PRH1: variants seen among roughly 807,000 people sequenced by gnomAD.
The protein encoded by PRH1 is salivary acidic proline-rich phosphoprotein 1/2.
PRH1 carries 7 observed loss-of-function variants against 7.9 expected under a neutral mutation model. The observed-to-expected ratio is 0.89, with a 90% CI of 0.50 to 1.67. The LOEUF (loss-of-function observed/expected upper bound fraction) is 1.67. Among genes scored for constraint, PRH1 ranks in the 40% most tolerant of loss-of-function variants. The pLI, the probability that PRH1 is intolerant of heterozygous loss-of-function variation, is 0.00. For missense variants in PRH1, 109 were observed against 223.6 expected (o/e 0.49, Z 3.27); for synonymous variants, 45 against 80.8 (o/e 0.56, Z 2.38).
At chr12:10,988,945 T>A (rs1488536026) in intron 1 of PRH1, among the ~76,000 whole-genome samples, 1 of 152,152 alleles carries the variant, frequency 6.6e-6, no homozygotes, top group Non-Finnish European at 1.5e-5. Flanking sequence ...TAGCTGGGAC[T>A]ACAGGCGCAT....
upstream of PRH1, among the ~76,000 whole-genome samples, chr12:11,050,723 C>T (rs113795634): frequency 0.076 from 8,997 of 118,906 alleles, no homozygotes; most frequent in African/African-American, 0.078. Context: ...CCTCCCACCA[C>T]AGGCAGGGTG....
chr12:11,148,130 T>C (rs1005442435), intron 1 of PRH1, among the ~76,000 whole-genome samples: 5 of 143,966 alleles, frequency 3.5e-5, no homozygotes, highest in Non-Finnish European at 6.2e-5. Flanking sequence ...TTTTTGTACA[T>C]TGATTTTGTA....
At chr12:11,114,563 T>C (rs1438123121) in intron 1 of PRH1, among the ~76,000 whole-genome samples, 1 of 152,022 alleles carries the variant, frequency 6.6e-6, no homozygotes, top group Non-Finnish European at 1.5e-5. Flanking sequence ...AGATGACGGG[T>C]TGATGGGTGC....
At chr12:10,902,685 T>C (rs1389977042) in intron 2 of PRH1, among the ~76,000 whole-genome samples, 1 of 152,112 alleles carries the variant, frequency 6.6e-6, no homozygotes, top group African/African-American at 2.4e-5. Context: ...GCAGAAACCT[T>C]ACAAGCCAGG....
intron 1 of PRH1, chr12:11,022,664 A>G: frequency 1.1e-6 from 1 of 934,420 alleles, no homozygotes; most frequent in Non-Finnish European, 1.6e-6. Context: ...TGATTACTAA[A>G]TGTGCAATAA....
chr12:10,951,734 T>C (rs1223126405), intron 2 of PRH1, among the ~76,000 whole-genome samples: 1 of 152,214 alleles, frequency 6.6e-6, no homozygotes, highest in South Asian at 2.1e-4. Context: ...AAATATTCCT[T>C]GAGCACTTAA....
chr12:11,168,530 G>A (rs999282326), intron 1 of PRH1, among the ~76,000 whole-genome samples: 2 of 151,916 alleles, frequency 1.3e-5, no homozygotes, highest in East Asian at 1.9e-4. Flanking sequence ...AAAAGTTTTC[G>A]TCAAGGCTTT....
At chr12:11,151,839 T>C (rs1362317306) in intron 1 of PRH1, among the ~76,000 whole-genome samples, 1 of 152,132 alleles carries the variant, frequency 6.6e-6, no homozygotes, top group African/African-American at 2.4e-5. Context: ...AAACATATTA[T>C]TTCCCTCTTA....
chr12:11,045,935 A>G (rs1331731547), intron 1 of PRH1, among the ~76,000 whole-genome samples: 2 of 152,258 alleles, frequency 1.3e-5, no homozygotes, highest in East Asian at 1.9e-4. Flanking sequence ...TGGAGTGGCT[A>G]TTTGTTTGGA....
upstream of PRH1, chr12:11,048,680 T>C: frequency 1.9e-6 from 1 of 532,956 alleles, no homozygotes. Flanking sequence ...AGAAAAGATA[T>C]TAGTGTCAGA....
At chr12:11,018,390 A>T (rs199822276) in intron 1 of PRH1, among the ~76,000 whole-genome samples, 685 of 105,668 alleles carry the variant, frequency 6.5e-3, no homozygotes, top group East Asian at 0.048. Flanking sequence ...TGGCACAAGG[A>T]GGGGACTATA....
intron 2 of PRH1, among the ~76,000 whole-genome samples, chr12:10,935,959 G>A (rs1950281390): frequency 6.6e-6 from 1 of 152,050 alleles, no homozygotes; most frequent in Admixed American, 6.6e-5. Context: ...GCATCTTCCA[G>A]GATATTGAGC....
chr12:11,091,759 T>A (rs1180825267), intron 1 of PRH1: 43 of 1,343,772 alleles, frequency 3.2e-5, no homozygotes, highest in Non-Finnish European at 4.4e-5. Context: ...TTCCTTCAAA[T>A]TCTTTTGTCC....
intron 1 of PRH1, among the ~76,000 whole-genome samples, chr12:11,064,137 C>A (rs1943715202): frequency 6.6e-6 from 1 of 151,758 alleles, no homozygotes; most frequent in Admixed American, 6.6e-5. Context: ...TTTCTTCATA[C>A]CTCCTGAGAT....
At chr12:11,021,518 C>T (rs1242542078) in intron 1 of PRH1, 5 of 514,080 alleles carry the variant, frequency 9.7e-6, no homozygotes, top group Non-Finnish European at 1.6e-5. Flanking sequence ...TATGACTTTT[C>T]TAGGTATCTG....
At chr12:10,997,740 G>A in intron 1 of PRH1, 2 of 1,613,904 alleles carry the variant, frequency 1.2e-6, no homozygotes, top group Non-Finnish European at 1.7e-6. Context: ...GCAATAATTT[G>A]ATCAGCTGAG....
chr12:11,055,595 T>C (rs1326177008), intron 1 of PRH1, among the ~76,000 whole-genome samples: 4 of 152,250 alleles, frequency 2.6e-5, no homozygotes, highest in African/African-American at 7.2e-5. Context: ...ATTCAAATGC[T>C]GTGACCTTGT....
At chr12:10,955,830 GA>G (rs1160469851) in intron 2 of PRH1, among the ~76,000 whole-genome samples, 1 of 152,062 alleles carries the variant, frequency 6.6e-6, no homozygotes, top group Admixed American at 6.5e-5. Context: ...AAACCTAGAA[GA>G]AATGGATAAA....
chr12:11,092,000 C>T, intron 1 of PRH1: 1 of 1,416,554 alleles, frequency 7.1e-7, no homozygotes, highest in Non-Finnish European at 9.8e-7. Flanking sequence ...TACTTCTACA[C>T]TATTAAAAGC....
Sources: allele counts gnomAD v4.1 joint callset (sites outside exome capture counted in the v4.1 genomes callset), GRCh38; gene constraint gnomAD v4.1.1; transcripts MANE v1.5; gene names NCBI Gene and HGNC (gene_info 2026-07-23, HGNC 2026-07-21).